The following FBXL13 variants were observed in gnomAD, a reference collection of about 807,000 sequenced individuals.
FBXL13 encodes F-box and leucine rich repeat protein 13.
Under a neutral mutation model 83.6 loss-of-function variants are expected in FBXL13, and 67 were observed. The observed-to-expected ratio is 0.80, with a 90% CI of 0.66 to 0.98. The LOEUF (loss-of-function observed/expected upper bound fraction) is 0.98. Ranked by LOEUF, FBXL13 falls within the 50% of genes least tolerant of loss-of-function variation. FBXL13 has a pLI of 0.00. For synonymous variants in FBXL13, 272 were observed against 299.5 expected, an observed-to-expected ratio of 0.91 and a Z score of 0.95; for missense variants, 822 against 866.5, an observed-to-expected ratio of 0.95 and a Z score of 0.64.
At chr7:103,028,732 C>T in exon 4 of FBXL13, 1 of 1,584,330 alleles carries the variant, frequency 6.3e-7, no homozygotes, top group Non-Finnish European at 8.6e-7. Context: ...TTTGTACGAG[C>T]TATGTCTCTC....
chr7:102,845,107 A>G (rs886478434), intron 17 of FBXL13, among the ~76,000 whole-genome samples: 1 of 152,086 alleles, frequency 6.6e-6, no homozygotes, highest in African/African-American at 2.4e-5. Flanking sequence ...GCTTCGTCAT[A>G]TAGACACCAT....
In FBXL13 at chr7:103,063,599, C is replaced by G. The variant is rs187775442; in HGVS notation, c.-104-7852G>C. On this transcript the variant is annotated intron_variant, in intron 1 of 19. Coordinates refer to ENST00000313221, the Ensembl canonical transcript of FBXL13. ...CTTCCTCCCACTCTAGAAAATAAAG[C>G]CCTCTATCACATCCATCTGGAATCT... Among the ~76,000 whole-genome samples the G allele has an allele frequency of 3.9e-4, 59 of 152,184 alleles. 1 individual carries two copies. In the East Asian group the frequency reaches 0.011, roughly 28 times the overall value.
intron 7 of FBXL13, among the ~76,000 whole-genome samples, chr7:102,967,095 G>A (rs962824817): frequency 5.3e-5 from 8 of 151,828 alleles, no homozygotes; most frequent in African/African-American, 1.5e-4. Context: ...TCAGCCTCCC[G>A]AGTAGCTGGG....
intron 2 of FBXL13, among the ~76,000 whole-genome samples, chr7:103,048,223 GATATAT>G (rs988881474): frequency 6.6e-6 from 1 of 151,846 alleles, no homozygotes; most frequent in South Asian, 2.1e-4. Context: ...TAAATATAAA[GATATAT>G]ATATAAAGTT....
chr7:102,993,145 T>C (rs892953892), intron 6 of FBXL13, among the ~76,000 whole-genome samples: 12 of 152,248 alleles, frequency 7.9e-5, no homozygotes, highest in African/African-American at 2.9e-4. Flanking sequence ...CTATGAAACC[T>C]GGAACCACTG....
intron 1 of FBXL13, among the ~76,000 whole-genome samples, chr7:103,055,979 T>C (rs1797292716): frequency 6.6e-6 from 1 of 152,102 alleles, no homozygotes; most frequent in African/African-American, 2.4e-5. Context: ...GAACCCAATT[T>C]GTAGTCTTTC....
chr7:103,074,433 C>A (rs903536419), exon 1 of FBXL13: 7 of 1,105,250 alleles, frequency 6.3e-6, no homozygotes, highest in Non-Finnish European at 7.9e-6. Flanking sequence ...CCGATCTGGG[C>A]CTTGTGCTCA....
chr7:102,915,700 C>A (rs547435126), intron 10 of FBXL13, among the ~76,000 whole-genome samples: 35 of 150,982 alleles, frequency 2.3e-4, no homozygotes, highest in African/African-American at 8.1e-4. Context: ...ACAAAAACAG[C>A]CAATTATATT....
chr7:102,980,275 A>G (rs1331579734), intron 6 of FBXL13, among the ~76,000 whole-genome samples: 2 of 152,380 alleles, frequency 1.3e-5, no homozygotes, highest in Middle Eastern at 3.4e-3. Context: ...GACCAATGGA[A>G]TAGAGCTGAG....
chr7:102,989,528 A>G (rs1246689302), intron 6 of FBXL13, among the ~76,000 whole-genome samples: 1 of 152,190 alleles, frequency 6.6e-6, no homozygotes, highest in Non-Finnish European at 1.5e-5. Context: ...GGGAGAAAGA[A>G]CTAGGCTTGC....
At chr7:102,998,787 C>T (rs1280147051) in intron 6 of FBXL13, among the ~76,000 whole-genome samples, 2 of 151,536 alleles carry the variant, frequency 1.3e-5, no homozygotes, top group African/African-American at 4.8e-5. Context: ...GGTGACATGG[C>T]AAAACTCCAT....
chr7:102,947,566 T>C (rs1472242815), intron 8 of FBXL13, among the ~76,000 whole-genome samples: 3 of 152,196 alleles, frequency 2.0e-5, no homozygotes, highest in Non-Finnish European at 2.9e-5. Context: ...GAAGTGTAGT[T>C]GATTCATGAT....
intron 6 of FBXL13, among the ~76,000 whole-genome samples, chr7:103,003,304 T>TTTG: frequency 7.2e-6 from 1 of 139,784 alleles, no homozygotes; most frequent in Non-Finnish European, 1.5e-5. Context: ...TTTTTTTTTT[T>TTTG]TGAGACAGAC....
chr7:102,883,102 G>A (rs1810330671), intron 14 of FBXL13, among the ~76,000 whole-genome samples: 1 of 151,438 alleles, frequency 6.6e-6, no homozygotes. Flanking sequence ...CTCACATCCT[G>A]AGCTTCCCCT....
At chr7:102,953,008 C>T in intron 8 of FBXL13, among the ~76,000 whole-genome samples, 1 of 151,884 alleles carries the variant, frequency 6.6e-6, no homozygotes, top group South Asian at 2.1e-4. Flanking sequence ...AACAAACAAA[C>T]AAAAAAACCC....
intron 10 of FBXL13, among the ~76,000 whole-genome samples, chr7:102,925,267 C>T (rs1817894649): frequency 6.6e-6 from 1 of 152,022 alleles, no homozygotes; most frequent in Non-Finnish European, 1.5e-5. Flanking sequence ...TGGTGGCATG[C>T]TCCTGTAGTC....
At chr7:103,045,108 C>T (rs1796137464) in intron 2 of FBXL13, among the ~76,000 whole-genome samples, 1 of 152,202 alleles carries the variant, frequency 6.6e-6, no homozygotes, top group South Asian at 2.1e-4. Flanking sequence ...GATTAATAGA[C>T]ACAAAAAGGG....
chr7:103,045,200 T>C (rs1290411962), intron 2 of FBXL13, among the ~76,000 whole-genome samples: 3 of 152,182 alleles, frequency 2.0e-5, no homozygotes, highest in Admixed American at 1.3e-4. Flanking sequence ...TGAACACAGT[T>C]TGAACACTCA....
chr7:102,841,348 C>A (rs1802905878), intron 17 of FBXL13, among the ~76,000 whole-genome samples: 1 of 151,808 alleles, frequency 6.6e-6, no homozygotes, highest in Admixed American at 6.6e-5. Flanking sequence ...TACGGATTAT[C>A]TTCCTTTTAA....
Sources: gnomAD v4.1 joint callset for allele counts (sites outside exome capture counted in the v4.1 genomes callset) on GRCh38, gnomAD v4.1.1 for gene constraint, MANE v1.5 for transcripts, NCBI Gene and HGNC (gene_info 2026-07-23, HGNC 2026-07-21) for gene names.